EYS: variants seen among roughly 807,000 people sequenced by gnomAD.
The protein encoded by EYS is protein eyes shut homolog.
A neutral mutation model predicts 282.1 loss-of-function variants in EYS; 250 were observed. The ratio of observed to expected loss-of-function variants is 0.89; its 90% confidence interval spans 0.80 to 0.98. The LOEUF (loss-of-function observed/expected upper bound fraction) is 0.98. EYS is among the 50% of genes least tolerant of loss of function. EYS has a pLI of 0.00. For missense variants in EYS, 4,016 were observed against 3,709.0 expected, an observed-to-expected ratio of 1.08 and a Z score of -2.15; for synonymous variants, 1,355 against 1,282.9, an observed-to-expected ratio of 1.06 and a Z score of -1.20.
At chr6:65,306,672 G>A (rs1258624808) in intron 11 of EYS, among the ~76,000 whole-genome samples, 1 of 145,710 alleles carries the variant, frequency 6.9e-6, no homozygotes, top group Non-Finnish European at 1.5e-5. Flanking sequence ...AAAAAAAAAA[G>A]AAAGAAAGAA....
chr6:65,701,232 G>A (rs1053309514), intron 1 of EYS, among the ~76,000 whole-genome samples: 1 of 151,942 alleles, frequency 6.6e-6, no homozygotes, highest in Admixed American at 6.6e-5. Context: ...TGAATAAATG[G>A]GATTGTGGCA....
intron 31 of EYS, among the ~76,000 whole-genome samples, chr6:64,165,334 A>G (rs1238280663): frequency 6.6e-6 from 1 of 152,050 alleles, no homozygotes; most frequent in Non-Finnish European, 1.5e-5. Context: ...CTATGATTTT[A>G]ATTTATAATT....
intron 30 of EYS, among the ~76,000 whole-genome samples, chr6:64,254,186 C>T (rs1335157470): frequency 1.3e-5 from 2 of 152,022 alleles, no homozygotes; most frequent in Non-Finnish European, 2.9e-5. Context: ...CCCATATTTT[C>T]TAGCTACAAT....
chr6:65,229,990 A>G (rs1266772022), intron 12 of EYS, among the ~76,000 whole-genome samples: 2 of 151,956 alleles, frequency 1.3e-5, no homozygotes, highest in African/African-American at 4.8e-5. Context: ...ATAATCAACC[A>G]TTTAAGTAAT....
intron 12 of EYS, among the ~76,000 whole-genome samples, chr6:65,151,354 G>A (rs906536519): frequency 6.6e-6 from 1 of 151,924 alleles, no homozygotes; most frequent in Non-Finnish European, 1.5e-5. Flanking sequence ...ATTGGGCAGA[G>A]GGACAATTTC....
At chr6:65,406,232 C>A (rs1427048692) in intron 5 of EYS, among the ~76,000 whole-genome samples, 2 of 152,000 alleles carry the variant, frequency 1.3e-5, no homozygotes, top group East Asian at 1.9e-4. Flanking sequence ...AATGAAATGT[C>A]TTTTTAAATC....
chr6:64,868,130 A>C (rs1467575403), intron 19 of EYS, among the ~76,000 whole-genome samples: 6 of 151,414 alleles, frequency 4.0e-5, no homozygotes, highest in Non-Finnish European at 7.4e-5. Context: ...AATCTTATTT[A>C]AATTATATTT....
intron 12 of EYS, among the ~76,000 whole-genome samples, chr6:65,191,722 G>C (rs142381186): frequency 1.2e-3 from 182 of 151,890 alleles, no homozygotes; most frequent in Non-Finnish European, 2.1e-3. Context: ...CCAATACCCT[G>C]AACAAGGAGC....
chr6:64,049,647 T>C (rs1369365998), intron 33 of EYS, among the ~76,000 whole-genome samples: 1 of 152,178 alleles, frequency 6.6e-6, no homozygotes, highest in Non-Finnish European at 1.5e-5. Context: ...GACATCCCTG[T>C]ATGTAGCTTG....
At chr6:64,752,041 G>C (rs1772776300) in intron 22 of EYS, among the ~76,000 whole-genome samples, 1 of 152,056 alleles carries the variant, frequency 6.6e-6, no homozygotes, top group Admixed American at 6.5e-5. Flanking sequence ...AGAAGAAACA[G>C]ATAAACAATT....
chr6:65,400,229 CT>C (rs751601050), intron 7 of EYS, among the ~76,000 whole-genome samples: 1 of 151,992 alleles, frequency 6.6e-6, no homozygotes, highest in Non-Finnish European at 1.5e-5. Context: ...CACCCAAATA[CT>C]GGTCAAGTAT....
chr6:64,756,825 A>G (rs1261967937), intron 22 of EYS, among the ~76,000 whole-genome samples: 1 of 152,062 alleles, frequency 6.6e-6, no homozygotes, highest in African/African-American at 2.4e-5. Context: ...TAATTTTAAA[A>G]TAACAATAAC....
At chr6:63,792,602 T>C (rs1303210068) in intron 37 of EYS, among the ~76,000 whole-genome samples, 1 of 151,830 alleles carries the variant, frequency 6.6e-6, no homozygotes, top group East Asian at 1.9e-4. Flanking sequence ...AATATATATA[T>C]ATAAAAAAAC....
chr6:64,018,684 C>T (rs543603573), intron 33 of EYS, among the ~76,000 whole-genome samples: 59 of 143,660 alleles, frequency 4.1e-4, no homozygotes, highest in Non-Finnish European at 4.9e-4. Flanking sequence ...TTTGCAAATG[C>T]GATTAAGTTA....
chr6:64,126,747 C>A (rs1773799276), intron 31 of EYS, among the ~76,000 whole-genome samples: 1 of 151,926 alleles, frequency 6.6e-6, no homozygotes, highest in African/African-American at 2.4e-5. Context: ...AGTTTCATTT[C>A]TAAATCCCAG....
chr6:65,610,612 C>T (rs1438936309), intron 2 of EYS, among the ~76,000 whole-genome samples: 1 of 152,170 alleles, frequency 6.6e-6, no homozygotes, highest in Non-Finnish European at 1.5e-5. Context: ...AAATTTGACA[C>T]ATGTCCTCTG....
chr6:63,803,791 A>G (rs180993117), intron 37 of EYS, among the ~76,000 whole-genome samples: 217 of 152,298 alleles, frequency 1.4e-3, no homozygotes, highest in African/African-American at 4.7e-3. Context: ...ATCTCTTTCT[A>G]TGTAAAGCTC....
chr6:64,434,065 A>C (rs914075423), intron 28 of EYS, among the ~76,000 whole-genome samples: 2 of 152,064 alleles, frequency 1.3e-5, no homozygotes, highest in Non-Finnish European at 2.9e-5. Context: ...AGAAGTAATA[A>C]GCTAAAATGA....
chr6:64,796,807 C>T (rs1395465875), intron 22 of EYS, among the ~76,000 whole-genome samples: 1 of 152,082 alleles, frequency 6.6e-6, no homozygotes, highest in East Asian at 1.9e-4. Context: ...GTTTAAGCCT[C>T]AGGTATTTTT....
Sources: allele counts gnomAD v4.1 joint callset (sites outside exome capture counted in the v4.1 genomes callset), GRCh38; gene constraint gnomAD v4.1.1; transcripts MANE v1.5; gene names NCBI Gene and HGNC (gene_info 2026-07-23, HGNC 2026-07-21).